The following RPS6KC1 variants were observed in gnomAD, a reference collection of about 807,000 sequenced individuals.
RPS6KC1 encodes the protein inactive ribosomal protein S6 kinase delta-1.
Under a neutral mutation model 103.8 loss-of-function variants are expected in RPS6KC1, and 54 were observed. The observed-to-expected ratio is 0.52, with a 90% CI of 0.42 to 0.65. The LOEUF (loss-of-function observed/expected upper bound fraction) is 0.65, where lower values mean the gene tolerates loss of function less well. Among genes scored for constraint, RPS6KC1 ranks in the 30% least tolerant of loss-of-function variants. The probability of loss-of-function intolerance (pLI) is 0.00; values close to 1 mark genes in which losing one functional copy is unlikely to be tolerated. For missense variants in RPS6KC1, 1,151 were observed against 1,253.8 expected (o/e 0.92, Z 1.24); for synonymous variants, 439 against 438.7 (o/e 1.00, Z -0.01).
At chr1:213,710,521 G>T in the RPS6KC1 span, among the ~76,000 whole-genome samples, 19,313 of 152,082 alleles carry the variant, frequency 0.13, 1,366 homozygotes, top group African/African-American at 0.19. Flanking sequence ...TGCATTTAAG[G>T]TTAATATTGT....
the RPS6KC1 span, among the ~76,000 whole-genome samples, chr1:213,411,953 T>G: frequency 6.6e-6 from 1 of 152,162 alleles, no homozygotes; most frequent in Non-Finnish European, 1.5e-5. Context: ...TGCTGCAGAT[T>G]AGCACAGTGT....
chr1:213,470,531 T>G, the RPS6KC1 span, among the ~76,000 whole-genome samples: 3 of 152,150 alleles, frequency 2.0e-5, no homozygotes, highest in Non-Finnish European at 4.4e-5. Context: ...GATTCATTAT[T>G]TATTAGGGCT....
the RPS6KC1 span, among the ~76,000 whole-genome samples, chr1:213,804,198 A>AAAAC: frequency 1.9e-5 from 2 of 103,044 alleles, no homozygotes; most frequent in Non-Finnish European, 4.7e-5. Flanking sequence ...AAAAAAAAAA[A>AAAAC]CAACCCTTTC....
chr1:213,840,946 T>C, the RPS6KC1 span: 6 of 152,148 alleles, frequency 3.9e-5, no homozygotes, highest in Non-Finnish European at 8.8e-5. Flanking sequence ...GAGAAAACTT[T>C]TTTCCCAGCT....
intron 8 of RPS6KC1, among the ~76,000 whole-genome samples, chr1:213,224,143 TC>T (rs2093905035): frequency 6.6e-6 from 1 of 152,236 alleles, no homozygotes; most frequent in African/African-American, 2.4e-5. Context: ...TTAAAAATAA[TC>T]ATCATTTGAT....
At chr1:213,605,882 C>T in the RPS6KC1 span, among the ~76,000 whole-genome samples, 7 of 152,052 alleles carry the variant, frequency 4.6e-5, no homozygotes, top group Non-Finnish European at 1.5e-5. Context: ...GGAGACAACG[C>T]CAGGTGCTGA....
chr1:213,206,192 A>G (rs1318189593), intron 8 of RPS6KC1, among the ~76,000 whole-genome samples: 1 of 152,186 alleles, frequency 6.6e-6, no homozygotes, highest in Non-Finnish European at 1.5e-5. Flanking sequence ...TAATAGGACA[A>G]CCTTTAAGTA....
At chr1:213,087,628 T>A (rs2080531431) in intron 3 of RPS6KC1, among the ~76,000 whole-genome samples, 1 of 152,224 alleles carries the variant, frequency 6.6e-6, no homozygotes, top group Non-Finnish European at 1.5e-5. Flanking sequence ...CTATGGATTT[T>A]GTTTTTTCTT....
chr1:213,270,931 C>G (rs980271199), intron 14 of RPS6KC1, among the ~76,000 whole-genome samples: 1 of 152,070 alleles, frequency 6.6e-6, no homozygotes, highest in African/African-American at 2.4e-5. Flanking sequence ...ATGACAGTAC[C>G]AAGAGCTGAG....
intron 8 of RPS6KC1, among the ~76,000 whole-genome samples, chr1:213,225,660 A>G (rs541064670): frequency 5.9e-5 from 9 of 152,276 alleles, no homozygotes; most frequent in African/African-American, 1.7e-4. Flanking sequence ...AAATGCTGGG[A>G]TTACAGGTGT....
At chr1:213,107,546 T>C (rs1362324473) in intron 4 of RPS6KC1, among the ~76,000 whole-genome samples, 1 of 152,240 alleles carries the variant, frequency 6.6e-6, no homozygotes, top group African/African-American at 2.4e-5. Flanking sequence ...TCTTCATTCA[T>C]TGATAAATTG....
chr1:213,093,053 A>G (rs2081128204), intron 3 of RPS6KC1, among the ~76,000 whole-genome samples: 1 of 152,186 alleles, frequency 6.6e-6, no homozygotes, highest in Admixed American at 6.5e-5. Flanking sequence ...ACATCCTTCC[A>G]TATTATAGAA....
chr1:213,536,609 T>C, the RPS6KC1 span, among the ~76,000 whole-genome samples: 2 of 152,244 alleles, frequency 1.3e-5, no homozygotes, highest in South Asian at 2.1e-4. Flanking sequence ...CCTACCTTGA[T>C]AAAAGGTGAG....
chr1:213,185,264 C>T (rs1371643519), intron 8 of RPS6KC1, among the ~76,000 whole-genome samples: 2 of 152,126 alleles, frequency 1.3e-5, no homozygotes, highest in African/African-American at 4.8e-5. Context: ...CACTTTCAGT[C>T]TATGTGTCTT....
the RPS6KC1 span, among the ~76,000 whole-genome samples, chr1:213,687,966 G>A: frequency 0.68 from 103,377 of 152,074 alleles, 35,723 homozygotes; most frequent in East Asian, 0.83. Flanking sequence ...CACCCTTAGC[G>A]GGGAAGATGC....
chr1:213,343,410 T>TAC, the RPS6KC1 span, among the ~76,000 whole-genome samples: 3 of 24,850 alleles, frequency 1.2e-4, no homozygotes, highest in Admixed American at 6.3e-4. Context: ...TATATATATA[T>TAC]ATATATATAT....
At chr1:213,756,441 C>A in the RPS6KC1 span, among the ~76,000 whole-genome samples, 1 of 152,272 alleles carries the variant, frequency 6.6e-6, no homozygotes, top group South Asian at 2.1e-4. Flanking sequence ...GTGCTTCATG[C>A]TGTTGCACTT....
At chr1:213,231,898 A>G (rs1170179387) in intron 9 of RPS6KC1, among the ~76,000 whole-genome samples, 3 of 152,192 alleles carry the variant, frequency 2.0e-5, no homozygotes, top group African/African-American at 7.2e-5. Flanking sequence ...CACGTAATTG[A>G]TTTTAATGGC....
At chr1:213,652,475 A>G in the RPS6KC1 span, among the ~76,000 whole-genome samples, 8 of 152,220 alleles carry the variant, frequency 5.3e-5, no homozygotes, top group Non-Finnish European at 1.0e-4. Flanking sequence ...ACTGCAAAAC[A>G]TGGCCACAAA....
Sources: gnomAD v4.1 joint callset for allele counts (sites outside exome capture counted in the v4.1 genomes callset) on GRCh38, gnomAD v4.1.1 for gene constraint, MANE v1.5 for transcripts, NCBI Gene and HGNC (gene_info 2026-07-23, HGNC 2026-07-21) for gene names.